Variants in PIDD1 observed in about 807,000 individuals in gnomAD.
PIDD1 encodes p53-induced death domain protein 1.
A neutral mutation model predicts 80.0 loss-of-function variants in PIDD1; 72 were observed. That is an observed-to-expected ratio of 0.90 (90% CI 0.74 to 1.09). The LOEUF (loss-of-function observed/expected upper bound fraction) is 1.09. PIDD1 is among the 50% of genes least tolerant of loss of function. The pLI, the probability that PIDD1 is intolerant of heterozygous loss-of-function variation, is 0.00. For missense variants in PIDD1, 1,329 were observed against 1,228.3 expected (o/e 1.08, Z -1.23); for synonymous variants, 655 against 543.5 (o/e 1.21, Z -2.85).
At position 799,265 on chromosome 11, in the gene PIDD1, T is replaced by C; in HGVS notation, c.*42A>G. ...GACTTGAAGGTGGGGGCTCTGCCCA[T>C]CCACTGGGGAATATCTGGGCCAGCC... On this transcript the variant is annotated 3_prime_UTR_variant, in exon 16 of 16. Coordinates refer to ENST00000347755, the MANE Select transcript of PIDD1 (RefSeq NM_145886.4). 1 of 1,527,272 alleles carries C rather than the reference T, an allele frequency of 6.5e-7. No homozygotes were observed. The highest frequency in any genetic ancestry group is 8.8e-7 in the Non-Finnish European group (1 of 1,138,854). 94.6% of individuals were successfully genotyped at this position (1,527,272 alleles called of 1,614,324 possible). A position where few individuals can be genotyped will look rare whatever the true frequency, so the allele number is the denominator to read the frequency against.
At chr11:800,060 C>A (rs1480403717) in intron 14 of PIDD1, 46 bp from the exon 15 acceptor site, 1 of 1,606,866 alleles carries the variant, frequency 6.2e-7, no homozygotes, top group East Asian at 2.2e-5. Flanking sequence ...CCACCCCCAA[C>A]TCCACCATGT....
intron 2 of PIDD1, 177 bp from the exon 3 acceptor site, chr11:803,764 G>A (rs1417383582): frequency 4.1e-6 from 3 of 731,266 alleles, no homozygotes; most frequent in Non-Finnish European, 6.6e-6. Flanking sequence ...ATGGAAGGAG[G>A]CAGGGGTGGA....
Position 801,515 on chromosome 11 carries a change from G to A in PIDD1, c.1412C>T (p.Ser471Leu), listed in dbSNP as rs143991805. The A allele has an allele frequency of 3.5e-5, 54 of 1,558,678 alleles. No individual in the cohort carries two copies. The African/African-American group carries it at 5.3e-4, about 15-fold the overall frequency. Residue 471 changes from serine (S) to leucine (L), a missense_variant, in exon 8 of 16, where the codon TCG (serine) becomes TTG (leucine). Transcript: ENST00000347755. ...GATGACTTTGACCCCAGGATGACCC[G>A]AGGAGCACAGCAGTGTCCCCTCCGG... is the stretch of plus-strand genomic sequence containing the variant. ...VPPEGTLLCS[S>L]GHPGVKVIFP...
Position 799,891 on chromosome 11 carries a change from C to G in PIDD1, c.2398G>C (p.Gly800Arg). ...SNLLSVAGRL[G>R]LDWPAVALHL... is the part of the protein sequence containing the mutation. ...AGGGCCACGGCTGGCCAGTCCAGAC[C>G]CAGACGCCCAGCCACACTCAGCAGG... Residue 800 changes from glycine (G) to arginine (R), a missense_variant, in exon 15 of 16, where the codon GGT becomes CGT. Physicochemically the swap from Gly to Arg is moderately radical, Grantham distance 125. Transcript: ENST00000347755. The G allele has an allele frequency of 6.2e-7, 1 of 1,612,044 alleles. No individual in the cohort carries two copies. Among genetic ancestry groups the G allele is most frequent in the Non-Finnish European group, 8.5e-7 (1 of 1,179,772 alleles).
intron 4 of PIDD1, 27 bp from the exon 5 acceptor site, chr11:802,624 G>C: frequency 6.2e-7 from 1 of 1,610,174 alleles, no homozygotes; most frequent in Non-Finnish European, 8.5e-7. Flanking sequence ...CATGTGCTCA[G>C]GACAGTGAGG....
At chr11:802,953 G>T in intron 3 of PIDD1, 62 bp from the exon 4 acceptor site, 1 of 1,378,808 alleles carries the variant, frequency 7.3e-7, no homozygotes, top group Non-Finnish European at 1.0e-6. Context: ...GGACACTCCT[G>T]CTGCCGCCTC....
chr11:801,538 C>A lies in PIDD1; in HGVS notation c.1389G>T (p.Pro463=). The A allele has an allele frequency of 3.2e-6, 5 of 1,566,860 alleles. No homozygotes were observed. The highest frequency in any genetic ancestry group is 2.4e-5 in the East Asian group (1 of 42,480). Residue 463 remains proline (P), a synonymous_variant, in exon 8 of 16, where the codon CCG becomes CCT. Coordinates refer to ENST00000347755, the MANE Select transcript of PIDD1 (RefSeq NM_145886.4). Reference sequence around the variant, plus strand: ...CCGAGGAGCACAGCAGTGTCCCCTCCGGTGGCACCAGGCAGGCATTGGACA... The same window carrying A: ...CCGAGGAGCACAGCAGTGTCCCCTCAGGTGGCACCAGGCAGGCATTGGACA... The part of the protein sequence containing the change: ...RPVSNACLVP[P]EGTLLCSSGH...
chr11:805,599 C>G, upstream of PIDD1: 1 of 984,590 alleles, frequency 1.0e-6, no homozygotes. Flanking sequence ...GTACTCTTGC[C>G]GCTGCCCCGC....
At chr11:802,979 C>G (rs1253877963) in intron 3 of PIDD1, 88 bp from the exon 4 acceptor site, 1 of 1,199,590 alleles carries the variant, frequency 8.3e-7, no homozygotes, top group Non-Finnish European at 1.2e-6. Flanking sequence ...GCAGCTGTTT[C>G]AGACTCTCCT....
chr11:809,040 G>A (rs989008667), upstream of PIDD1, among the ~76,000 whole-genome samples: 4 of 152,240 alleles, frequency 2.6e-5, no homozygotes, highest in East Asian at 7.7e-4. Flanking sequence ...GCTGCCCAGA[G>A]GACCAAGTCT....
intron 2 of PIDD1, 113 bp downstream of exon 2, chr11:803,981 C>G (rs1030043997): frequency 1.6e-6 from 2 of 1,216,002 alleles, no homozygotes; most frequent in Non-Finnish European, 2.3e-6. Flanking sequence ...CCTGGGGAGC[C>G]GGGAGGGGCG....
chr11:804,649 G>A lies in PIDD1; in HGVS notation c.-75-186C>T. 3 of 502,784 alleles carry A rather than the reference G, an allele frequency of 6.0e-6. No homozygotes were observed. The South Asian group carries it at 1.1e-4, about 18-fold the overall frequency. 31.1% of individuals were successfully genotyped at this position (502,784 alleles called of 1,614,324 possible). Reference sequence around the variant, plus strand: ...GGTCACCACTGGAAAGAGGGTTGGGGAATGGGACCGCCATGGCTCGCAGGA... The same window carrying A: ...GGTCACCACTGGAAAGAGGGTTGGGAAATGGGACCGCCATGGCTCGCAGGA... On this transcript the variant is annotated intron_variant, in intron 1 of 15. Coordinates refer to ENST00000347755, the MANE Select transcript of PIDD1 (RefSeq NM_145886.4).
At position 799,874 on chromosome 11, in the gene PIDD1, G is replaced by T; in HGVS notation, c.2415C>A (p.Ala805=). The T allele has an allele frequency of 6.2e-7, 1 of 1,611,264 alleles. No individual in the cohort carries two copies. The part of the protein sequence containing the change: ...VAGRLGLDWP[A]VALHLGVSYR... ...AGGACACCCCCAGGTGCAGGGCCAC[G>T]GCTGGCCAGTCCAGACCCAGACGCC... The change falls in exon 15 of 16, where the codon GCC becomes GCA. Residue 805 remains alanine, a synonymous_variant. Transcript: ENST00000347755.
chr11:799,869 G>C lies in PIDD1; in HGVS notation c.2420C>G (p.Ala807Gly). ...CCGGTAGGACACCCCCAGGTGCAGG[G>C]CCACGGCTGGCCAGTCCAGACCCAG... ...GRLGLDWPAV[A>G]LHLGVSYREV... Residue 807 changes from alanine (A) to glycine (G), a missense_variant, in exon 15 of 16, where the codon GCC becomes GGC. Ala to Gly is a moderately conservative substitution (Grantham distance 60, BLOSUM62 0). Coordinates refer to ENST00000347755, the MANE Select transcript of PIDD1 (RefSeq NM_145886.4). The C allele has an allele frequency of 6.2e-7, 1 of 1,610,598 alleles. No individual in the cohort carries two copies. Among genetic ancestry groups the C allele is most frequent in the Non-Finnish European group, 8.5e-7 (1 of 1,179,396 alleles).
rs368522934 is a variant in PIDD1 at position 799,511 on chromosome 11, C to G, written c.2529G>C (p.Gln843His). ...RHMLFSWAER[Q>H]AGQPGAVGLL... is the part of the protein sequence containing the mutation. ...GCCCCACAGCCCCTGGCTGCCCAGCCTGGCGCTCAGCCCAGGAGAAGAGCA... is the reference window on the plus strand; with the variant it reads ...GCCCCACAGCCCCTGGCTGCCCAGCGTGGCGCTCAGCCCAGGAGAAGAGCA... Residue 843 changes from glutamine to histidine, a missense_variant, in exon 16 of 16, where the codon CAG becomes CAC. Coordinates refer to ENST00000347755, the MANE Select transcript of PIDD1 (RefSeq NM_145886.4). 7.5e-6 allele frequency: 12 copies of G among 1,606,352 alleles called. No homozygotes were observed. The African/African-American group carries it at 1.6e-4, about 21-fold the overall frequency.
chr11:804,579 C>T (rs1206299330), intron 1 of PIDD1, 116 bp from the exon 2 acceptor site: 3 of 1,088,674 alleles, frequency 2.8e-6, no homozygotes, highest in South Asian at 3.7e-5. Context: ...GCCTGGGCTG[C>T]AGAGTGGGGG....
In PIDD1 at chr11:803,324, G is replaced by C. The variant is rs371418995; in HGVS notation, c.559C>G (p.Pro187Ala). Residue 187 changes from proline (P) to alanine (A), a missense_variant, in exon 3 of 16, where the codon CCC becomes GCC. Coordinates refer to ENST00000347755, the MANE Select transcript of PIDD1 (RefSeq NM_145886.4). ...GTGGATAGGGCCCCCAGTGCTGGGGGCAGCGTCTGCAGGCGGTTGTGTGTC... is the reference window on the plus strand; with the variant it reads ...GTGGATAGGGCCCCCAGTGCTGGGGCCAGCGTCTGCAGGCGGTTGTGTGTC... ...TVTHNRLQTLPPALGALSTLQ... is the reference protein window; with the variant it reads ...TVTHNRLQTLAPALGALSTLQ... 2.5e-6 allele frequency: 4 copies of C among 1,613,850 alleles called. No homozygotes were observed. In the African/African-American group the frequency reaches 5.3e-5, roughly 22 times the overall value.
intron 1 of PIDD1, 108 bp from the exon 2 acceptor site, chr11:804,571 C>G (rs113714037): frequency 1.7e-6 from 2 of 1,193,942 alleles, no homozygotes; most frequent in Non-Finnish European, 2.3e-6. Flanking sequence ...CCATCTGGGC[C>G]TGGGCTGCAG....
chr11:806,815 C>T (rs1865798105), upstream of PIDD1, among the ~76,000 whole-genome samples: 1 of 152,124 alleles, frequency 6.6e-6, no homozygotes, highest in African/African-American at 2.4e-5. Flanking sequence ...GAACTCCTGA[C>T]CTCGTGATCC....
Sources: gnomAD v4.1 joint callset for allele counts (sites outside exome capture counted in the v4.1 genomes callset) on GRCh38, gnomAD v4.1.1 for gene constraint, MANE v1.5 for transcripts, NCBI Gene and HGNC (gene_info 2026-07-23, HGNC 2026-07-21) for gene names.